MALRD1: variants seen among roughly 807,000 people sequenced by gnomAD.
MALRD1 encodes the protein MAM and LDL receptor class A domain containing 1.
MALRD1 carries 247 observed loss-of-function variants against 242.1 expected under a neutral mutation model. The ratio of observed to expected loss-of-function variants is 1.02; its 90% CI spans 0.92 to 1.13. The LOEUF is 1.13. MALRD1 is among the 50% of genes most tolerant of loss of function. The probability of loss-of-function intolerance (pLI) is 0.00; values close to 1 mark genes in which losing one functional copy is unlikely to be tolerated. For missense variants in MALRD1, 2,989 were observed against 2,533.1 expected, an observed-to-expected ratio of 1.18 and a Z score of -3.86; for synonymous variants, 995 against 866.6, an observed-to-expected ratio of 1.15 and a Z score of -2.60.
At chr10:19,579,624 C>T (rs1318036133) in intron 33 of MALRD1, among the ~76,000 whole-genome samples, 1 of 152,142 alleles carries the variant, frequency 6.6e-6, no homozygotes, top group Non-Finnish European at 1.5e-5. Flanking sequence ...CATATCCTAT[C>T]ATCTGATATA....
chr10:19,530,334 T>TTTATATAAATATATAATATTTATATA (rs1554793375), intron 31 of MALRD1, among the ~76,000 whole-genome samples: 48 of 34,608 alleles, frequency 1.4e-3, no homozygotes, highest in East Asian at 2.8e-3. Context: ...TATAAATATA[T>TTTATATAAATATATAATATTTATATA]AATATTTATA....
intron 19 of MALRD1, among the ~76,000 whole-genome samples, chr10:19,275,696 AAAT>A (rs1840484753): frequency 1.3e-5 from 2 of 152,058 alleles, no homozygotes; most frequent in African/African-American, 2.4e-5. Flanking sequence ...ATAAAATAAT[AAAT>A]AAAATCAGAA....
chr10:19,309,077 T>C (rs1212584818), intron 21 of MALRD1, among the ~76,000 whole-genome samples: 1 of 151,606 alleles, frequency 6.6e-6, no homozygotes, highest in African/African-American at 2.4e-5. Flanking sequence ...TTTGTTCTAT[T>C]ACCATAAATC....
intron 12 of MALRD1, among the ~76,000 whole-genome samples, chr10:19,165,065 A>T (rs1344239991): frequency 6.6e-6 from 1 of 151,608 alleles, no homozygotes; most frequent in African/African-American, 2.4e-5. Flanking sequence ...TCAAGTATGT[A>T]TAGTAATACT....
At chr10:19,642,546 CAG>C (rs1296437489) in intron 36 of MALRD1, among the ~76,000 whole-genome samples, 4 of 152,072 alleles carry the variant, frequency 2.6e-5, no homozygotes, top group African/African-American at 9.7e-5. Flanking sequence ...AATAGAATCA[CAG>C]GGGGAAAAAT....
chr10:19,597,096 C>A (rs974888162), intron 34 of MALRD1, among the ~76,000 whole-genome samples: 2 of 152,132 alleles, frequency 1.3e-5, no homozygotes, highest in Admixed American at 6.5e-5. Context: ...TTTTCCAACT[C>A]CCTGTTATTT....
At chr10:19,592,454 A>G (rs918554713) in intron 33 of MALRD1, among the ~76,000 whole-genome samples, 2 of 152,192 alleles carry the variant, frequency 1.3e-5, no homozygotes, top group African/African-American at 2.4e-5. Context: ...CTGGAGGGCA[A>G]TTCCTGGGGC....
intron 29 of MALRD1, among the ~76,000 whole-genome samples, chr10:19,477,408 G>A (rs1836786877): frequency 6.6e-6 from 1 of 151,974 alleles, no homozygotes; most frequent in Non-Finnish European, 1.5e-5. Flanking sequence ...TAGAAATAAG[G>A]CCTGTTAGCT....
intron 36 of MALRD1, among the ~76,000 whole-genome samples, chr10:19,663,391 A>G (rs1841532392): frequency 6.6e-6 from 1 of 152,052 alleles, no homozygotes; most frequent in African/African-American, 2.4e-5. Context: ...ATTCCATGGT[A>G]TATATGTGTG....
intron 21 of MALRD1, among the ~76,000 whole-genome samples, chr10:19,306,383 AGTATATATAGTGTCGTATATGTACCGTG>A: frequency 9.9e-6 from 1 of 100,746 alleles, no homozygotes; most frequent in Non-Finnish European, 2.1e-5. Flanking sequence ...TACCGTGTAT[AGTATATATAGTGTCGTATATGTACCGTG>A]TATAGTATAT....
chr10:19,214,069 A>G (rs1166030546), intron 18 of MALRD1, among the ~76,000 whole-genome samples: 2 of 152,058 alleles, frequency 1.3e-5, no homozygotes, highest in African/African-American at 4.8e-5. Context: ...ACTTTTCTCT[A>G]TGCCTGTCCT....
intron 32 of MALRD1, among the ~76,000 whole-genome samples, chr10:19,556,150 A>G (rs1215988645): frequency 6.6e-6 from 1 of 152,172 alleles, no homozygotes; most frequent in East Asian, 1.9e-4. Context: ...GTTTATAGGA[A>G]AACTGAGTGG....
chr10:19,243,209 C>CG (rs929497343), intron 18 of MALRD1, among the ~76,000 whole-genome samples: 1 of 151,410 alleles, frequency 6.6e-6, no homozygotes, highest in Non-Finnish European at 1.5e-5. Flanking sequence ...GACTTCTCCC[C>CG]CGCCACACAC....
intron 21 of MALRD1, among the ~76,000 whole-genome samples, chr10:19,303,795 A>G (rs1280566207): frequency 6.6e-6 from 1 of 151,796 alleles, no homozygotes; most frequent in Non-Finnish European, 1.5e-5. Context: ...ATTGTAATTT[A>G]AAAACTAAAA....
At chr10:19,141,204 A>G (rs985829067) in intron 10 of MALRD1, among the ~76,000 whole-genome samples, 5 of 152,248 alleles carry the variant, frequency 3.3e-5, no homozygotes, top group African/African-American at 9.6e-5. Context: ...CAGTTTATAC[A>G]TGAAATAGAT....
chr10:19,573,879 G>T (rs1353355564), intron 33 of MALRD1, among the ~76,000 whole-genome samples: 1 of 152,162 alleles, frequency 6.6e-6, no homozygotes, highest in Non-Finnish European at 1.5e-5. Flanking sequence ...CAGTTTGGGA[G>T]ATTAACATTA....
chr10:19,120,798 G>T (rs192798025), intron 5 of MALRD1, among the ~76,000 whole-genome samples: 3 of 152,180 alleles, frequency 2.0e-5, no homozygotes. Context: ...AAGCTGGAGT[G>T]CAGTGGCACG....
chr10:19,539,995 G>C (rs935021145), intron 32 of MALRD1, among the ~76,000 whole-genome samples: 2 of 151,264 alleles, frequency 1.3e-5, no homozygotes, highest in African/African-American at 2.4e-5. Flanking sequence ...TGCCCACCTC[G>C]GCCTCCCATG....
intron 29 of MALRD1, among the ~76,000 whole-genome samples, chr10:19,458,392 A>G (rs909954489): frequency 6.6e-6 from 1 of 152,148 alleles, no homozygotes; most frequent in African/African-American, 2.4e-5. Flanking sequence ...ACATAAATTG[A>G]TATTTTACTA....
Sources: allele counts gnomAD v4.1 joint callset (sites outside exome capture counted in the v4.1 genomes callset), GRCh38; gene constraint gnomAD v4.1.1; transcripts MANE v1.5; gene names NCBI Gene and HGNC (gene_info 2026-07-23, HGNC 2026-07-21).